Variants in TIAM1 observed in about 807,000 individuals in gnomAD.
TIAM1 encodes rho guanine nucleotide exchange factor TIAM1.
In TIAM1, 65 loss-of-function variants were observed where a neutral mutation model predicts 163.5. That is an observed-to-expected ratio of 0.40 (90% CI 0.33 to 0.49). The LOEUF is 0.49. TIAM1 is among the 20% of genes least tolerant of loss of function. TIAM1 has a pLI of 0.77. For missense variants in TIAM1, 1,789 were observed against 2,044.7 expected, an observed-to-expected ratio of 0.87 and a Z score of 2.41; for synonymous variants, 833 against 810.1, an observed-to-expected ratio of 1.03 and a Z score of -0.48.
At chr21:31,369,578 T>TA (rs1269760495) in intron 2 of TIAM1, among the ~76,000 whole-genome samples, 2 of 152,100 alleles carry the variant, frequency 1.3e-5, no homozygotes, top group African/African-American at 4.8e-5. Context: ...GTTCCCAACG[T>TA]AAAAAAATAA....
intron 1 of TIAM1, among the ~76,000 whole-genome samples, chr21:31,494,384 G>A (rs1181971373): frequency 1.3e-5 from 2 of 152,156 alleles, no homozygotes; most frequent in South Asian, 2.1e-4. Flanking sequence ...TATTTCCAAT[G>A]AAGAATCCTC....
chr21:31,360,861 C>T (rs2076395397), intron 2 of TIAM1, among the ~76,000 whole-genome samples: 1 of 152,098 alleles, frequency 6.6e-6, no homozygotes, highest in African/African-American at 2.4e-5. Flanking sequence ...CCAGGAAATC[C>T]ACTTATTACC....
intron 15 of TIAM1, among the ~76,000 whole-genome samples, chr21:31,173,223 A>G (rs766015141): frequency 1.3e-5 from 2 of 152,156 alleles, no homozygotes; most frequent in Non-Finnish European, 2.9e-5. Context: ...AGACCCTCCA[A>G]TTCAAACATT....
At chr21:31,437,699 G>A (rs1413210913) in intron 2 of TIAM1, among the ~76,000 whole-genome samples, 5 of 151,902 alleles carry the variant, frequency 3.3e-5, no homozygotes, top group African/African-American at 1.2e-4. Flanking sequence ...GTTTGAAAGT[G>A]TATAGCACCT....
chr21:31,228,243 A>AGG (rs1569068912), intron 6 of TIAM1, among the ~76,000 whole-genome samples: 6 of 51,772 alleles, frequency 1.2e-4, no homozygotes, highest in Admixed American at 3.1e-4. Context: ...AAAAAAAAAA[A>AGG]AAAAAAAAAA....
intron 1 of TIAM1, among the ~76,000 whole-genome samples, chr21:31,546,692 G>A (rs1374295760): frequency 6.6e-6 from 1 of 152,108 alleles, no homozygotes; most frequent in Non-Finnish European, 1.5e-5. Context: ...TCATGGCAAA[G>A]GAAAAAATTC....
intron 2 of TIAM1, among the ~76,000 whole-genome samples, chr21:31,398,479 T>C (rs1031903157): frequency 1.3e-5 from 2 of 152,198 alleles, no homozygotes; most frequent in African/African-American, 4.8e-5. Flanking sequence ...AACATAGCCA[T>C]GGGAAGTAGC....
intron 2 of TIAM1, among the ~76,000 whole-genome samples, chr21:31,311,355 A>G (rs369401537): frequency 6.6e-6 from 1 of 152,228 alleles, no homozygotes; most frequent in Non-Finnish European, 1.5e-5. Context: ...ACATTACCCA[A>G]TGAAAGACTA....
At chr21:31,519,135 G>A (rs1403806145) in intron 1 of TIAM1, among the ~76,000 whole-genome samples, 3 of 151,908 alleles carry the variant, frequency 2.0e-5, no homozygotes, top group East Asian at 1.9e-4. Flanking sequence ...GAGAAACCCC[G>A]TCTCTACTAA....
intron 2 of TIAM1, among the ~76,000 whole-genome samples, chr21:31,389,448 A>T (rs1256121216): frequency 2.0e-5 from 3 of 152,152 alleles, no homozygotes; most frequent in East Asian, 3.9e-4. Flanking sequence ...ACCCCAGGTG[A>T]TCTGCCTGCC....
At chr21:31,359,977 G>A (rs1032580314) in intron 2 of TIAM1, among the ~76,000 whole-genome samples, 3 of 152,076 alleles carry the variant, frequency 2.0e-5, no homozygotes, top group African/African-American at 7.2e-5. Flanking sequence ...CCAACCCATA[G>A]ATTCAAGAAG....
At chr21:31,313,921 A>G (rs528199975) in intron 2 of TIAM1, among the ~76,000 whole-genome samples, 1 of 152,348 alleles carries the variant, frequency 6.6e-6, no homozygotes, top group African/African-American at 2.4e-5. Flanking sequence ...AAACAAGGCC[A>G]GAGTGCCCAT....
chr21:31,126,966 C>A, intron 26 of TIAM1, 99 bp downstream of exon 26: 1 of 1,198,094 alleles, frequency 8.3e-7, no homozygotes, highest in South Asian at 1.3e-5. Flanking sequence ...TGTTACAGTA[C>A]AAACAACGTA....
chr21:31,324,177 G>C (rs1241800338), intron 2 of TIAM1, among the ~76,000 whole-genome samples: 2 of 152,088 alleles, frequency 1.3e-5, no homozygotes, highest in Non-Finnish European at 2.9e-5. Flanking sequence ...TGCGTGCGTG[G>C]AAAAGTTTAA....
chr21:31,364,316 A>C (rs988257936), intron 2 of TIAM1, among the ~76,000 whole-genome samples: 1 of 152,200 alleles, frequency 6.6e-6, no homozygotes, highest in African/African-American at 2.4e-5. Flanking sequence ...CTTAAAAATA[A>C]AATTGCTTGT....
intron 2 of TIAM1, among the ~76,000 whole-genome samples, chr21:31,434,626 T>A (rs967615434): frequency 6.6e-6 from 1 of 152,268 alleles, no homozygotes; most frequent in Non-Finnish European, 1.5e-5. Context: ...TTTTACTTCC[T>A]CACTTCCTAA....
chr21:31,308,476 TATTA>T (rs1272519845), intron 2 of TIAM1, among the ~76,000 whole-genome samples: 1 of 150,884 alleles, frequency 6.6e-6, no homozygotes, highest in Non-Finnish European at 1.5e-5. Flanking sequence ...TTATATTATA[TATTA>T]ATTACATATA....
At chr21:31,225,653 C>G (rs1233094011) in intron 7 of TIAM1, 73 bp downstream of exon 7, 2 of 1,226,522 alleles carry the variant, frequency 1.6e-6, no homozygotes, top group African/African-American at 3.3e-5. Context: ...GATTCCAAAA[C>G]AGCAAAAAAA....
intron 2 of TIAM1, among the ~76,000 whole-genome samples, chr21:31,444,544 T>A (rs554572894): frequency 1.3e-5 from 2 of 152,108 alleles, no homozygotes; most frequent in East Asian, 3.9e-4. Flanking sequence ...AATTTCATAC[T>A]TACATTCCCC....
Sources: gnomAD v4.1 joint callset for allele counts (sites outside exome capture counted in the v4.1 genomes callset) on GRCh38, gnomAD v4.1.1 for gene constraint, MANE v1.5 for transcripts, NCBI Gene and HGNC (gene_info 2026-07-23, HGNC 2026-07-21) for gene names.